PKHD1: variants seen among roughly 807,000 people sequenced by gnomAD.
PKHD1 encodes fibrocystin.
Under a neutral mutation model 412.0 loss-of-function variants are expected in PKHD1, and 291 were observed. The observed-to-expected ratio is 0.71, with a 90% CI of 0.64 to 0.78. The LOEUF is 0.78. Among genes scored for constraint, PKHD1 ranks in the 30% least tolerant of loss-of-function variants. The probability of loss-of-function intolerance (pLI) is 0.00; values close to 1 mark genes in which losing one functional copy is unlikely to be tolerated. For missense variants in PKHD1, 4,825 were observed against 4,950.7 expected (o/e 0.97, Z 0.76); for synonymous variants, 1,777 against 1,821.5 (o/e 0.98, Z 0.62).
rs1382475884 is a variant in PKHD1 at position 51,806,074 on chromosome 6, AG to A, written c.8303-14702del. On this transcript the variant is annotated intron_variant, in intron 52 of 66. Transcript: ENST00000371117. ...CCTGAGGAATTGCCACACTGATGGG[AG>A]GGGGGAGGGATAGGATTAGGATAGG... 9.7e-5 allele frequency among the ~76,000 whole-genome samples: 11 copies of A among 113,054 alleles called. No homozygotes were observed. The East Asian group carries it at 1.7e-3, about 17-fold the overall frequency. The allele number at this position is 113,054 out of a possible 152,430, so 74.2% of individuals were successfully genotyped here.
intron 53 of PKHD1, 88 bp downstream of exon 53, chr6:51,791,148 C>T: frequency 7.3e-7 from 1 of 1,363,388 alleles, no homozygotes; most frequent in Admixed American, 1.7e-5. Context: ...TGTTAAGCAA[C>T]CTGCTTGATG....
rs1226798735 is a variant in PKHD1, at chr6:51,648,065, A to G, written c.11364T>C (p.Ala3788=). 1 of 1,608,790 alleles carries G rather than the reference A, an allele frequency of 6.2e-7. No individual in the cohort carries two copies. Among genetic ancestry groups the G allele is most frequent in the Non-Finnish European group, 8.5e-7 (1 of 1,175,092 alleles). Residue 3788 remains alanine, a synonymous_variant, in exon 63 of 67, where the codon GCT becomes GCC. Transcript: ENST00000371117. ...CTGAGTCTGATGCTCCTTCCAGGGA[A>G]GCTGAAATTGTCCATGGCTCTGAAG... The part of the protein sequence containing the change: ...GPPSEPWTIS[A]SLEGASDSVL...
At chr6:51,904,832 T>C (rs1781836836) in intron 41 of PKHD1, among the ~76,000 whole-genome samples, 1 of 152,210 alleles carries the variant, frequency 6.6e-6, no homozygotes, top group Admixed American at 6.5e-5. Flanking sequence ...CCTTTCTCAA[T>C]TTCTCCTTGA....
chr6:51,740,555 G>T (rs2150943290), intron 60 of PKHD1, among the ~76,000 whole-genome samples: 1 of 152,284 alleles, frequency 6.6e-6, no homozygotes, highest in Admixed American at 6.5e-5. Context: ...TAGCTGCATT[G>T]CTTTCTCTGA....
intron 49 of PKHD1, among the ~76,000 whole-genome samples, chr6:51,855,389 T>C (rs1206239411): frequency 2.0e-5 from 3 of 152,222 alleles, no homozygotes; most frequent in African/African-American, 7.2e-5. Flanking sequence ...ATTTCTATCT[T>C]CACTGCTCTT....
At chr6:51,704,559 TAAG>T (rs1216908620) in intron 60 of PKHD1, among the ~76,000 whole-genome samples, 1 of 151,968 alleles carries the variant, frequency 6.6e-6, no homozygotes, top group African/African-American at 2.4e-5. Flanking sequence ...GCAAGAAAAT[TAAG>T]AAGAAAGGAT....
chr6:51,913,553 C>T (rs1783310867), intron 37 of PKHD1, among the ~76,000 whole-genome samples: 1 of 152,094 alleles, frequency 6.6e-6, no homozygotes, highest in African/African-American at 2.4e-5. Context: ...CTACTCCTTC[C>T]TCTTTCTGTA....
intron 60 of PKHD1, among the ~76,000 whole-genome samples, chr6:51,736,038 T>G (rs576687199): frequency 1.3e-5 from 2 of 152,312 alleles, no homozygotes; most frequent in Non-Finnish European, 2.9e-5. Flanking sequence ...CCCACACCTA[T>G]AAAATGGAGG....
intron 32 of PKHD1, among the ~76,000 whole-genome samples, chr6:52,024,190 A>T (rs1294237595): frequency 6.6e-6 from 1 of 152,238 alleles, no homozygotes; most frequent in Non-Finnish European, 1.5e-5. Context: ...AAATTTAATC[A>T]TACTTAATAA....
chr6:52,010,057 C>G (rs1799607954), intron 35 of PKHD1, among the ~76,000 whole-genome samples: 1 of 151,938 alleles, frequency 6.6e-6, no homozygotes, highest in African/African-American at 2.4e-5. Flanking sequence ...GACAAAATGC[C>G]AAGCAGATTA....
Position 51,791,233 on chromosome 6 carries a change from C to T in PKHD1, c.8440+3G>A, listed in dbSNP as rs775943439. The T allele has an allele frequency of 6.2e-7, 1 of 1,613,830 alleles. No individual in the cohort carries two copies. The highest frequency in any genetic ancestry group is 1.1e-5 in the South Asian group (1 of 91,064). On this transcript the variant is annotated splice_donor_region_variant and intron_variant, in intron 53 of 66. Transcript: ENST00000371117. ...TGCTCGCAATCCTTGTGCCTTTACT[C>T]ACCAACTTTCAGCTCCCCGCCTGCA...
At chr6:51,635,424 A>G (rs1581765466) in intron 64 of PKHD1, among the ~76,000 whole-genome samples, 1 of 152,310 alleles carries the variant, frequency 6.6e-6, no homozygotes, top group East Asian at 1.9e-4. Context: ...AATCTTAAAA[A>G]TAATCTCAAT....
intron 53 of PKHD1, among the ~76,000 whole-genome samples, chr6:51,782,787 G>T (rs566389473): frequency 6.6e-6 from 1 of 152,156 alleles, no homozygotes; most frequent in African/African-American, 2.4e-5. Context: ...CTCTCTGGCT[G>T]CTCAATGGGT....
At chr6:51,868,301 A>G (rs1169168158) in intron 47 of PKHD1, among the ~76,000 whole-genome samples, 192 bp from the exon 48 acceptor site, 1 of 152,174 alleles carries the variant, frequency 6.6e-6, no homozygotes, top group African/African-American at 2.4e-5. Context: ...CTGGTGTGCT[A>G]GAGATACTAA....
chr6:51,632,804 T>C (rs1768089182), intron 64 of PKHD1, 81 bp from the exon 65 acceptor site: 4 of 1,074,248 alleles, frequency 3.7e-6, no homozygotes, highest in African/African-American at 1.6e-5. Flanking sequence ...AATAAATACA[T>C]TCATAATAGT....
At chr6:51,668,286 T>C (rs953595119) in intron 60 of PKHD1, among the ~76,000 whole-genome samples, 17 of 152,178 alleles carry the variant, frequency 1.1e-4, no homozygotes, top group African/African-American at 4.1e-4. Flanking sequence ...GATTCCTAGG[T>C]ATTTTATTCT....
At position 51,934,101 on chromosome 6, in the gene PKHD1, C is replaced by T. The variant is rs1787078664; in HGVS notation, c.6121+9G>A. The stretch of plus-strand genomic sequence containing the variant: ...TACTTCATTTCCTCTGATCAATTGC[C>T]TCACTCACCGTGCAGAGAAAGAGTT... On this transcript the variant is annotated intron_variant, in intron 37 of 66. Transcript: ENST00000371117. 6.3e-7 allele frequency: 1 copy of T among 1,592,520 alleles called. No homozygotes were observed. The highest frequency in any genetic ancestry group is 8.6e-7 in the Non-Finnish European group (1 of 1,160,290).
chr6:51,812,604 T>C (rs991825922), intron 52 of PKHD1, among the ~76,000 whole-genome samples: 3 of 152,190 alleles, frequency 2.0e-5, no homozygotes, highest in South Asian at 4.1e-4. Context: ...ACATGACAGA[T>C]AGCAGGTCCT....
At chr6:51,639,327 G>A (rs1185906995) in intron 63 of PKHD1, among the ~76,000 whole-genome samples, 2 of 152,028 alleles carry the variant, frequency 1.3e-5, no homozygotes, top group East Asian at 3.9e-4. Context: ...ATTTCAGTCT[G>A]CATTCTTAAC....
Sources: gnomAD v4.1 joint callset for allele counts (sites outside exome capture counted in the v4.1 genomes callset) on GRCh38, gnomAD v4.1.1 for gene constraint, MANE v1.5 for transcripts, NCBI Gene and HGNC (gene_info 2026-07-23, HGNC 2026-07-21) for gene names.